Variants in KAZN observed in about 807,000 individuals in gnomAD.
The protein encoded by KAZN is kazrin, periplakin interacting protein.
A neutral mutation model predicts 87.4 loss-of-function variants in KAZN; 40 were observed. The observed-to-expected ratio is 0.46, with a 90% CI of 0.36 to 0.60. The LOEUF is 0.60. Among genes scored for constraint, KAZN ranks in the 20% least tolerant of loss-of-function variants. The pLI, the probability that KAZN is intolerant of heterozygous loss-of-function variation, is 0.00. For synonymous variants in KAZN, 466 were observed against 458.3 expected, an observed-to-expected ratio of 1.02 and a Z score of -0.22; for missense variants, 898 against 1,073.9, an observed-to-expected ratio of 0.84 and a Z score of 2.29.
intron 2 of KAZN, among the ~76,000 whole-genome samples, chr1:14,387,383 G>T (rs1307938219): frequency 6.6e-6 from 1 of 152,170 alleles, no homozygotes; most frequent in African/African-American, 2.4e-5. Context: ...GAGGAGGAGA[G>T]GTGCTCTGCC....
At chr1:14,444,305 GA>G (rs1666856456) in intron 2 of KAZN, among the ~76,000 whole-genome samples, 1 of 117,832 alleles carries the variant, frequency 8.5e-6, no homozygotes, top group East Asian at 2.9e-4. Context: ...CTAAATTCAT[GA>G]TTTTTTTTTT....
chr1:14,326,287 G>A (rs2149507), intron 2 of KAZN, among the ~76,000 whole-genome samples: 61,476 of 151,894 alleles, frequency 0.4, 13,087 homozygotes, highest in Admixed American at 0.54. Context: ...ATACCAAAAA[G>A]CCATCCTTGT....
chr1:13,936,096 G>GTTTTTTTTTTTT (rs70984301), intron 1 of KAZN, among the ~76,000 whole-genome samples: 2,847 of 84,414 alleles, frequency 0.034, 548 homozygotes, highest in Non-Finnish European at 0.04. Flanking sequence ...TACAAGTGCA[G>GTTTTTTTTTTTT]TTTTTTTTTT....
intron 1 of KAZN, among the ~76,000 whole-genome samples, chr1:14,033,826 C>A (rs1308708253): frequency 6.6e-6 from 1 of 152,218 alleles, no homozygotes; most frequent in Non-Finnish European, 1.5e-5. Flanking sequence ...AAAACAGGTT[C>A]TCTCCACTTC....
At chr1:14,634,220 T>C (rs1679793583) in intron 1 of KAZN, among the ~76,000 whole-genome samples, 1 of 152,178 alleles carries the variant, frequency 6.6e-6, no homozygotes. Context: ...TACACCATAT[T>C]GGCACTTGAA....
intron 1 of KAZN, among the ~76,000 whole-genome samples, chr1:13,914,095 G>A (rs760074623): frequency 7.2e-5 from 11 of 152,162 alleles, no homozygotes; most frequent in African/African-American, 1.4e-4. Flanking sequence ...CTAAAGACGC[G>A]CTGAAGGAAT....
At chr1:14,082,315 A>G (rs1165141698) in intron 1 of KAZN, among the ~76,000 whole-genome samples, 1 of 152,210 alleles carries the variant, frequency 6.6e-6, no homozygotes, top group African/African-American at 2.4e-5. Context: ...CTCTTACTGC[A>G]TGTCCTCTTC....
intron 1 of KAZN, among the ~76,000 whole-genome samples, chr1:13,996,025 G>A (rs779455061): frequency 6.6e-6 from 1 of 151,948 alleles, no homozygotes; most frequent in Non-Finnish European, 1.5e-5. Context: ...AGGTATCCAG[G>A]TTCCGTCATC....
chr1:14,753,882 GGT>G (rs1644482132), intron 1 of KAZN, among the ~76,000 whole-genome samples: 1 of 152,214 alleles, frequency 6.6e-6, no homozygotes, highest in Admixed American at 6.5e-5. Context: ...TTCAGTGTCT[GGT>G]GAGGCTGTTC....
intron 1 of KAZN, among the ~76,000 whole-genome samples, chr1:14,635,497 C>T (rs1242743620): frequency 2.6e-5 from 4 of 152,174 alleles, no homozygotes; most frequent in Non-Finnish European, 5.9e-5. Flanking sequence ...GGGTGCCTCG[C>T]GGCTCTAGGT....
chr1:14,378,604 A>G (rs7511708), intron 2 of KAZN, among the ~76,000 whole-genome samples: 4 of 152,036 alleles, frequency 2.6e-5, no homozygotes, highest in African/African-American at 9.7e-5. Flanking sequence ...CAATTATGAG[A>G]CATTGCATTG....
chr1:14,271,235 G>A (rs1228688144), intron 2 of KAZN, among the ~76,000 whole-genome samples: 2 of 152,094 alleles, frequency 1.3e-5, no homozygotes, highest in Non-Finnish European at 2.9e-5. Flanking sequence ...ATTTTACCTT[G>A]ATTACCTCTT....
At chr1:14,436,331 G>GGAT (rs1258510950) in intron 2 of KAZN, among the ~76,000 whole-genome samples, 1 of 151,922 alleles carries the variant, frequency 6.6e-6, no homozygotes, top group Non-Finnish European at 1.5e-5. Context: ...AAGTGAATGA[G>GGAT]GATGATGATG....
intron 2 of KAZN, among the ~76,000 whole-genome samples, chr1:15,002,105 C>T (rs1307275962): frequency 1.3e-5 from 2 of 152,074 alleles, no homozygotes; most frequent in Non-Finnish European, 2.9e-5. Flanking sequence ...TGGTCTCGAT[C>T]TCCTGACCTT....
chr1:14,298,213 A>C (rs1654274732), intron 2 of KAZN, among the ~76,000 whole-genome samples: 1 of 152,194 alleles, frequency 6.6e-6, no homozygotes, highest in Admixed American at 6.5e-5. Flanking sequence ...TAGCAGATTC[A>C]GACCCGGTGT....
At chr1:14,971,643 C>G (rs10803330) in intron 2 of KAZN, among the ~76,000 whole-genome samples, 52,662 of 148,174 alleles carry the variant, frequency 0.36, 10,274 homozygotes, top group African/African-American at 0.53. Flanking sequence ...GCCCCCTTCC[C>G]TGGAGGCACC....
intron 2 of KAZN, among the ~76,000 whole-genome samples, chr1:14,499,456 C>T (rs1670122347): frequency 6.6e-6 from 1 of 152,194 alleles, no homozygotes; most frequent in Admixed American, 6.5e-5. Flanking sequence ...GTGACAATTG[C>T]TGTCCTGCCT....
chr1:14,740,142 CA>C (rs1644043176), intron 1 of KAZN, among the ~76,000 whole-genome samples: 1 of 152,142 alleles, frequency 6.6e-6, no homozygotes, highest in Non-Finnish European at 1.5e-5. Context: ...AAATACCCTG[CA>C]GCCCCTAGGA....
intron 13 of KAZN, among the ~76,000 whole-genome samples, chr1:15,109,632 T>C (rs1737979): frequency 0.9 from 136,830 of 151,916 alleles, 61,713 homozygotes; most frequent in East Asian, 0.99. Context: ...TGTGTATATA[T>C]GTGTATGTGT....
Sources: allele counts gnomAD v4.1 joint callset (sites outside exome capture counted in the v4.1 genomes callset), GRCh38; gene constraint gnomAD v4.1.1; transcripts MANE v1.5; gene names NCBI Gene and HGNC (gene_info 2026-07-23, HGNC 2026-07-21).